Variants in NFIA observed in about 807,000 individuals in gnomAD.
The protein encoded by NFIA is nuclear factor I A.
In NFIA, 8 loss-of-function variants were observed where a neutral mutation model predicts 62.8. That is an observed-to-expected ratio of 0.13 (90% CI 0.07 to 0.23). The LOEUF (loss-of-function observed/expected upper bound fraction) is 0.23, where lower values mean the gene tolerates loss of function less well. Among genes scored for constraint, NFIA ranks in the 10% least tolerant of loss-of-function variants. The pLI is 1.00. For missense variants in NFIA, 410 were observed against 642.1 expected (o/e 0.64, Z 3.91); for synonymous variants, 235 against 238.1 (o/e 0.99, Z 0.12).
At chr1:61,440,279 T>G (rs1325410017) in intron 10 of NFIA, among the ~76,000 whole-genome samples, 1 of 152,182 alleles carries the variant, frequency 6.6e-6, no homozygotes, top group East Asian at 1.9e-4. Context: ...TTAACCAAGT[T>G]AAGGGGAATC....
chr1:61,215,745 G>A (rs1653573960), intron 2 of NFIA, among the ~76,000 whole-genome samples: 1 of 152,140 alleles, frequency 6.6e-6, no homozygotes, highest in Non-Finnish European at 1.5e-5. Context: ...TAACTACAAA[G>A]GAATTGTTTA....
At chr1:61,364,758 G>T (rs138032038) in intron 6 of NFIA, among the ~76,000 whole-genome samples, 2 of 152,228 alleles carry the variant, frequency 1.3e-5, no homozygotes, top group East Asian at 3.9e-4. Flanking sequence ...ATTTTATGTA[G>T]TATAGACAAC....
chr1:61,409,755 TG>T (rs1666013324), intron 9 of NFIA, among the ~76,000 whole-genome samples: 1 of 152,174 alleles, frequency 6.6e-6, no homozygotes, highest in Non-Finnish European at 1.5e-5. Context: ...GTAAAGCTGA[TG>T]GCATGAAGGT....
At chr1:61,188,415 A>C (rs17096997) in intron 2 of NFIA, among the ~76,000 whole-genome samples, 3,859 of 152,290 alleles carry the variant, frequency 0.025, 163 homozygotes, top group African/African-American at 0.089. Context: ...CTGGGAACCA[A>C]TAACAAGATG....
chr1:61,203,257 A>G (rs1472769006), intron 2 of NFIA, among the ~76,000 whole-genome samples: 1 of 152,206 alleles, frequency 6.6e-6, no homozygotes, highest in African/African-American at 2.4e-5. Context: ...TAGACATTGC[A>G]GGCAGGCGAA....
At chr1:61,212,139 G>T (rs1653304239) in intron 2 of NFIA, among the ~76,000 whole-genome samples, 1 of 152,134 alleles carries the variant, frequency 6.6e-6, no homozygotes, top group African/African-American at 2.4e-5. Context: ...ATAGGGGCCT[G>T]CTTTTAAAAG....
At chr1:61,089,905 T>G (rs778407487) in intron 2 of NFIA, among the ~76,000 whole-genome samples, 12 of 152,180 alleles carry the variant, frequency 7.9e-5, no homozygotes, top group Non-Finnish European at 1.5e-4. Flanking sequence ...AAATTAGCTT[T>G]GCAAGCATGT....
chr1:61,364,496 A>G (rs1026104808), intron 6 of NFIA, among the ~76,000 whole-genome samples: 8 of 152,164 alleles, frequency 5.3e-5, no homozygotes, highest in Admixed American at 1.3e-4. Context: ...TACACTTTCA[A>G]TTTGTAGGCT....
intron 2 of NFIA, among the ~76,000 whole-genome samples, chr1:61,172,002 T>A (rs1649999057): frequency 6.6e-6 from 1 of 152,208 alleles, no homozygotes; most frequent in South Asian, 2.1e-4. Context: ...GAAGAATCCA[T>A]AGAGCTCCAA....
intron 2 of NFIA, among the ~76,000 whole-genome samples, chr1:61,126,965 G>A (rs1357510867): frequency 6.6e-6 from 1 of 151,328 alleles, no homozygotes; most frequent in East Asian, 2.0e-4. Context: ...ACTAGTTTTT[G>A]TATTTTTAGT....
chr1:61,187,541 A>G (rs776964831), intron 2 of NFIA, among the ~76,000 whole-genome samples: 3 of 152,184 alleles, frequency 2.0e-5, no homozygotes, highest in African/African-American at 4.8e-5. Flanking sequence ...TTTAGACTCA[A>G]TATTGCCACC....
chr1:61,106,737 C>A (rs1229338358), intron 2 of NFIA, among the ~76,000 whole-genome samples: 1 of 151,356 alleles, frequency 6.6e-6, no homozygotes, highest in African/African-American at 2.4e-5. Flanking sequence ...AATCTGTGAA[C>A]CAAGAAAGAT....
intron 10 of NFIA, 131 bp downstream of exon 10, chr1:61,426,687 C>G: frequency 1.4e-6 from 1 of 697,650 alleles, no homozygotes; most frequent in African/African-American, 1.8e-5. Context: ...CCTGATCCCA[C>G]CAGCCACATT....
At chr1:61,133,395 A>C (rs4430360) in intron 2 of NFIA, among the ~76,000 whole-genome samples, 7 of 151,986 alleles carry the variant, frequency 4.6e-5, no homozygotes, top group African/African-American at 1.2e-4. Context: ...GAAAAGCCAT[A>C]TATATTAAAC....
At chr1:61,267,344 A>C (rs113607287) in intron 2 of NFIA, among the ~76,000 whole-genome samples, 163 of 152,214 alleles carry the variant, frequency 1.1e-3, no homozygotes, top group African/African-American at 3.9e-3. Context: ...CCCTGTCTCT[A>C]CCAAAAAACA....
chr1:61,341,409 T>G (rs1263816912), intron 4 of NFIA, among the ~76,000 whole-genome samples: 7 of 152,132 alleles, frequency 4.6e-5, no homozygotes, highest in Non-Finnish European at 1.0e-4. Context: ...AATTTTGCTT[T>G]CACTCATATT....
intron 2 of NFIA, among the ~76,000 whole-genome samples, chr1:61,119,036 A>G (rs1646842282): frequency 6.6e-6 from 1 of 152,184 alleles, no homozygotes. Context: ...TAATACAACC[A>G]GGAAATTATT....
intron 2 of NFIA, among the ~76,000 whole-genome samples, chr1:61,195,825 C>T (rs1047282220): frequency 2.6e-5 from 4 of 152,106 alleles, no homozygotes; most frequent in Non-Finnish European, 5.9e-5. Flanking sequence ...AATTCAATTT[C>T]ACTTTTTATT....
At chr1:61,308,247 A>T (rs1261878307) in intron 3 of NFIA, among the ~76,000 whole-genome samples, 1 of 152,216 alleles carries the variant, frequency 6.6e-6, no homozygotes, top group Admixed American at 6.5e-5. Context: ...TAATGGTAGA[A>T]AGCAGGTGAT....
Sources: gnomAD v4.1 joint callset for allele counts (sites outside exome capture counted in the v4.1 genomes callset) on GRCh38, gnomAD v4.1.1 for gene constraint, MANE v1.5 for transcripts, NCBI Gene and HGNC (gene_info 2026-07-23, HGNC 2026-07-21) for gene names.